FAM219A: variants seen among roughly 807,000 people sequenced by gnomAD.
FAM219A encodes the protein family with sequence similarity 219 member A.
A neutral mutation model predicts 23.4 loss-of-function variants in FAM219A; 7 were observed. The observed-to-expected ratio is 0.30, with a 90% CI of 0.17 to 0.56. FAM219A has a LOEUF of 0.56. Among genes scored for constraint, FAM219A ranks in the 20% least tolerant of loss-of-function variants. The pLI, the probability that FAM219A is intolerant of heterozygous loss-of-function variation, is 0.92. For missense variants in FAM219A, 166 were observed against 246.9 expected (o/e 0.67, Z 2.20); for synonymous variants, 93 against 99.0 (o/e 0.94, Z 0.36).
chr9:34,428,836 A>G (rs977415107), intron 1 of FAM219A, among the ~76,000 whole-genome samples: 1 of 152,220 alleles, frequency 6.6e-6, no homozygotes, highest in African/African-American at 2.4e-5. Context: ...CTTGTGCATT[A>G]AAAGAGCCTG....
chr9:34,399,601 T>G lies in FAM219A; in HGVS notation c.*1363A>C, dbSNP rs908219486. 2 of 152,060 alleles carry G rather than the reference T, an allele frequency of 1.3e-5. No homozygotes were observed. The highest frequency in any genetic ancestry group is 4.2e-4 in the South Asian group (2 of 4,810). The allele number at this position is 152,060 out of a possible 1,614,324, so 9.4% of individuals were successfully genotyped here. ...CACACAACTCCGCCCCACCCCAACCTTTAGGTATACTGAGACACACAGAGA... is the reference window on the plus strand; with the variant it reads ...CACACAACTCCGCCCCACCCCAACCGTTAGGTATACTGAGACACACAGAGA... On this transcript the variant is annotated 3_prime_UTR_variant, in exon 6 of 6. Coordinates refer to ENST00000651358, the MANE Select transcript of FAM219A (RefSeq NM_001184940.2).
chr9:34,403,906 T>C lies in FAM219A; in HGVS notation c.161-1099A>G, dbSNP rs187972301. Among the ~76,000 whole-genome samples, 38 of 152,332 alleles carry C rather than the reference T, an allele frequency of 2.5e-4. No individual in the cohort carries two copies. In the East Asian group the frequency reaches 7.1e-3, roughly 29 times the overall value. On this transcript the variant is annotated intron_variant, in intron 2 of 5. Transcript: ENST00000651358. Reference sequence around the variant, plus strand: ...CTCTTTGACCCTCTTTCTTTGCCAGTGCTCAGCTGATTCCAGCTTTTTCCC... The same window carrying C: ...CTCTTTGACCCTCTTTCTTTGCCAGCGCTCAGCTGATTCCAGCTTTTTCCC...
chr9:34,421,978 T>C (rs1435415148), intron 1 of FAM219A, among the ~76,000 whole-genome samples: 1 of 152,226 alleles, frequency 6.6e-6, no homozygotes, highest in South Asian at 2.1e-4. Context: ...CCAGCCTCTC[T>C]ACGCCCACAC....
chr9:34,403,096 C>T (rs984401482), intron 2 of FAM219A, among the ~76,000 whole-genome samples: 5 of 152,052 alleles, frequency 3.3e-5, no homozygotes, highest in Non-Finnish European at 4.4e-5. Flanking sequence ...GAAAGGCTGG[C>T]GGGGGAGAGA....
rs776995760 is a variant in FAM219A, at chr9:34,401,114, G to A, written c.408C>T (p.Asn136=). 131 of 1,613,192 alleles carry A rather than the reference G, an allele frequency of 8.1e-5. 3 individuals are homozygous for A. The South Asian group carries it at 1.3e-3, about 15-fold the overall frequency. The change falls in exon 6 of 6, where the codon AAC becomes AAT. Residue 136 remains asparagine (N), a synonymous_variant. Transcript: ENST00000651358. ...SSGYSSAEQI[N]QDLNIQLLKD... ...TCAGCAGCTGGATGTTCAAATCTTG[G>A]TTGATCTGCTGTAGGCAAAGGGGAG...
At chr9:34,425,384 G>A (rs1220708887) in intron 1 of FAM219A, among the ~76,000 whole-genome samples, 3 of 152,132 alleles carry the variant, frequency 2.0e-5, no homozygotes, top group Non-Finnish European at 4.4e-5. Flanking sequence ...GGAGGCTGAG[G>A]CAGGAGAATC....
chr9:34,401,235 G>GC, intron 5 of FAM219A, 113 bp from the exon 6 acceptor site: 1 of 1,305,736 alleles, frequency 7.7e-7, no homozygotes, highest in Non-Finnish European at 1.1e-6. Context: ...CTGGATATCA[G>GC]CCCCGCCCTG....
At chr9:34,401,162 G>A (rs1371610894) in intron 5 of FAM219A, 40 bp from the exon 6 acceptor site, 2 of 1,604,080 alleles carry the variant, frequency 1.2e-6, no homozygotes, top group Non-Finnish European at 1.7e-6. Flanking sequence ...CGAGCGGCAG[G>A]GAGGCACCAC....
intron 1 of FAM219A, among the ~76,000 whole-genome samples, chr9:34,429,799 C>T (rs998320204): frequency 2.6e-5 from 4 of 152,200 alleles, no homozygotes; most frequent in African/African-American, 7.2e-5. Context: ...GGCCGAAAGT[C>T]CAGTGATGGC....
chr9:34,458,152 CCTCAAGCGACG>C lies in FAM219A; in HGVS notation c.60+41_60+51del. On this transcript the variant is annotated intron_variant, in intron 1 of 5. Transcript: ENST00000651358. The surrounding 1 kb of genome is among the most constrained non-coding windows in gnomAD (Gnocchi z 6.6). ...CCCCCGGCCTGATTCCCTCCCTCCC[CCTCAAGCGACG>C]CCCCCTCCGGCCTTGGCCTGCCCGC... 12 of 1,532,226 alleles carry C rather than the reference CCTCAAGCGACG, an allele frequency of 7.8e-6. No homozygotes were observed. Among genetic ancestry groups the C allele is most frequent in the Admixed American group, 7.5e-5 (4 of 53,530 alleles). 94.9% of individuals were successfully genotyped at this position (1,532,226 alleles called of 1,614,324 possible).
At chr9:34,414,598 T>A (rs539112935) in intron 1 of FAM219A, among the ~76,000 whole-genome samples, 1 of 152,252 alleles carries the variant, frequency 6.6e-6, no homozygotes, top group Non-Finnish European at 1.5e-5. Context: ...AGACTTCTTA[T>A]AGGGATAAGG....
At chr9:34,402,512 G>T (rs757306901) in intron 3 of FAM219A, 45 bp from the exon 4 acceptor site, 1 of 1,612,820 alleles carries the variant, frequency 6.2e-7, no homozygotes, top group South Asian at 1.1e-5. Flanking sequence ...GTGGAGCATA[G>T]AAACCTGGCA....
chr9:34,433,779 T>A (rs1822797722), intron 1 of FAM219A, among the ~76,000 whole-genome samples: 1 of 152,134 alleles, frequency 6.6e-6, no homozygotes, highest in African/African-American at 2.4e-5. Flanking sequence ...AAAATCTGTA[T>A]TGGTTTCCTT....
intron 1 of FAM219A, among the ~76,000 whole-genome samples, chr9:34,456,084 T>C (rs542697980): frequency 5.3e-5 from 8 of 152,094 alleles, no homozygotes; most frequent in Admixed American, 1.3e-4. Context: ...TCCCAGCTAC[T>C]TGGGAGGCTG....
At chr9:34,437,446 G>A (rs1205563612) in intron 1 of FAM219A, among the ~76,000 whole-genome samples, 1 of 152,220 alleles carries the variant, frequency 6.6e-6, no homozygotes, top group African/African-American at 2.4e-5. Flanking sequence ...CGCTAGAACT[G>A]AAGCGTGGCT....
chr9:34,430,327 G>A (rs905197757), intron 1 of FAM219A, among the ~76,000 whole-genome samples: 2 of 152,006 alleles, frequency 1.3e-5, no homozygotes, highest in Non-Finnish European at 2.9e-5. Context: ...CCAGGAGTTC[G>A]AGACCAGCCT....
chr9:34,438,426 G>A (rs1158367899), intron 1 of FAM219A, among the ~76,000 whole-genome samples: 1 of 152,210 alleles, frequency 6.6e-6, no homozygotes, highest in Non-Finnish European at 1.5e-5. Context: ...TGGTGGGGAG[G>A]TGGAGAACCT....
intron 1 of FAM219A, among the ~76,000 whole-genome samples, chr9:34,439,213 G>A (rs530003861): frequency 2.0e-4 from 31 of 152,320 alleles, no homozygotes; most frequent in Middle Eastern, 3.4e-3. Context: ...GAGGGTCCGC[G>A]GCTTTATTCT....
At chr9:34,423,207 G>C (rs12683694) in intron 1 of FAM219A, among the ~76,000 whole-genome samples, 74,851 of 151,908 alleles carry the variant, frequency 0.49, 19,441 homozygotes, top group Middle Eastern at 0.62. Flanking sequence ...TCATAAGCCA[G>C]TGAGTGAAGC....
Sources: gnomAD v4.1 joint callset for allele counts (sites outside exome capture counted in the v4.1 genomes callset) on GRCh38, gnomAD v4.1.1 for gene constraint, Gnocchi (gnomAD v3.1) non-coding constraint, MANE v1.5 for transcripts, NCBI Gene and HGNC (gene_info 2026-07-23, HGNC 2026-07-21) for gene names.